Variants in LBH observed in about 807,000 individuals in gnomAD.
The protein encoded by LBH is LBH regulator of Wnt signaling pathway.
In LBH, 7 loss-of-function variants were observed where a neutral mutation model predicts 12.5. That is an observed-to-expected ratio of 0.56 (90% CI 0.32 to 1.05). The LOEUF (loss-of-function observed/expected upper bound fraction) is 1.05. LBH is among the 50% of genes least tolerant of loss of function. The pLI, the probability that LBH is intolerant of heterozygous loss-of-function variation, is 0.04. For synonymous variants in LBH, 51 were observed against 50.1 expected (o/e 1.02, Z -0.08); for missense variants, 119 against 138.9 (o/e 0.86, Z 0.72).
At chr2:30,249,141 G>GC (rs879376735) in intron 2 of LBH, among the ~76,000 whole-genome samples, 97 of 150,884 alleles carry the variant, frequency 6.4e-4, no homozygotes, top group African/African-American at 2.1e-3. Flanking sequence ...TAGTAGCCCT[G>GC]CTGCCCCTTT....
intron 2 of LBH, among the ~76,000 whole-genome samples, chr2:30,247,213 TGC>T (rs1429091442): frequency 1.3e-5 from 2 of 151,892 alleles, no homozygotes; most frequent in African/African-American, 4.9e-5. Flanking sequence ...TAGTCTATTT[TGC>T]ACTTTGAGTG....
At chr2:30,246,800 A>ACTCT (rs1677879262) in intron 2 of LBH, among the ~76,000 whole-genome samples, 1 of 108,378 alleles carries the variant, frequency 9.2e-6, no homozygotes, top group African/African-American at 3.1e-5. Context: ...TTCCTTCCTC[A>ACTCT]CTCACTCCCT....
intron 2 of LBH, among the ~76,000 whole-genome samples, chr2:30,253,644 G>C (rs1388565108): frequency 6.6e-6 from 1 of 151,870 alleles, no homozygotes; most frequent in African/African-American, 2.4e-5. Context: ...TATGAATGGC[G>C]CTGTTTGGAA....
chr2:30,254,172 C>T (rs1242656931), intron 2 of LBH, among the ~76,000 whole-genome samples: 1 of 152,176 alleles, frequency 6.6e-6, no homozygotes, highest in Non-Finnish European at 1.5e-5. Flanking sequence ...CCCACATATG[C>T]TATGTTTTAT....
intron 2 of LBH, among the ~76,000 whole-genome samples, chr2:30,251,683 A>G (rs1364451202): frequency 7.1e-6 from 1 of 140,544 alleles, no homozygotes; most frequent in African/African-American, 2.7e-5. Context: ...AAAAAAAAAA[A>G]AAAACTAATA....
chr2:30,254,388 G>C (rs1364811129), intron 2 of LBH, among the ~76,000 whole-genome samples: 1 of 152,160 alleles, frequency 6.6e-6, no homozygotes, highest in East Asian at 1.9e-4. Context: ...AGTTGACCGT[G>C]GGTAACTGAA....
intron 2 of LBH, among the ~76,000 whole-genome samples, chr2:30,235,307 TG>T (rs552275643): frequency 7.1e-4 from 108 of 152,138 alleles, no homozygotes; most frequent in African/African-American, 2.4e-3. Context: ...GTTGTTAAAC[TG>T]GGGGGAGGGA....
intron 2 of LBH, among the ~76,000 whole-genome samples, chr2:30,255,125 G>A (rs1275071043): frequency 6.6e-6 from 1 of 152,228 alleles, no homozygotes; most frequent in African/African-American, 2.4e-5. Flanking sequence ...AGCCCTGAAC[G>A]AGCTGACATC....
rs192816452 is a variant in LBH, at chr2:30,240,206, G to A, written c.129+5699G>A. ...ATGGATTGGCCCTTCCTCTCTCCCC[G>A]TCCTGCACTGAGAATCCTTTTATCT... On this transcript the variant is annotated intron_variant, in intron 2 of 2. Coordinates refer to ENST00000395323, the MANE Select transcript of LBH (RefSeq NM_030915.4). Among the ~76,000 whole-genome samples the A allele has an allele frequency of 1.7e-3, 252 of 152,242 alleles. 2 individuals are homozygous for A. Among genetic ancestry groups the A allele is most frequent in the African/African-American group, 5.7e-3 (237 of 41,534 alleles).
rs1678153786 is a variant in LBH, at chr2:30,259,567, A to G, written c.*1946A>G. The G allele has an allele frequency of 6.5e-6, 1 of 152,722 alleles. No individual in the cohort carries two copies. The highest frequency in any genetic ancestry group is 2.1e-4 in the South Asian group (1 of 4,826). The allele number at this position is 152,722 out of a possible 1,614,324, so 9.5% of individuals were successfully genotyped here. On this transcript the variant is annotated 3_prime_UTR_variant, in exon 3 of 3. Coordinates refer to ENST00000395323, the MANE Select transcript of LBH (RefSeq NM_030915.4). The stretch of plus-strand genomic sequence containing the variant: ...GTGTCTTCCCTTATCTGCTACCCTG[A>G]ATCACCTGTCCTGGTCTTGCTGTGT...
intron 2 of LBH, among the ~76,000 whole-genome samples, chr2:30,251,602 G>A (rs1002858199): frequency 2.0e-5 from 3 of 149,814 alleles, no homozygotes; most frequent in Non-Finnish European, 4.4e-5. Flanking sequence ...GGAAGGTTGA[G>A]GCTACAGTGA....
At chr2:30,236,618 C>A (rs1251941107) in intron 2 of LBH, among the ~76,000 whole-genome samples, 2 of 152,314 alleles carry the variant, frequency 1.3e-5, no homozygotes, top group Admixed American at 1.3e-4. Context: ...AGTATTTAAC[C>A]AAGCAACATT....
At chr2:30,234,532 G>C in intron 2 of LBH, 25 bp downstream of exon 2, 1 of 1,547,496 alleles carries the variant, frequency 6.5e-7, no homozygotes, top group Non-Finnish European at 8.9e-7. Context: ...GCTCCCCTCT[G>C]ACTCTCTAGA....
At chr2:30,232,109 G>T in intron 1 of LBH, 1 of 1,542,964 alleles carries the variant, frequency 6.5e-7, no homozygotes, top group Non-Finnish European at 8.7e-7. Context: ...GCCCCACTTG[G>T]CGCAGGGGGG....
chr2:30,239,284 G>A (rs1402667212), intron 2 of LBH, among the ~76,000 whole-genome samples: 3 of 152,262 alleles, frequency 2.0e-5, no homozygotes, highest in African/African-American at 4.8e-5. Flanking sequence ...TGGAATGCGT[G>A]TGTGGAAACA....
At chr2:30,255,762 T>C (rs906867) in intron 2 of LBH, among the ~76,000 whole-genome samples, 34,798 of 152,032 alleles carry the variant, frequency 0.23, 4,482 homozygotes, top group African/African-American at 0.31. Context: ...GGGCCTTTCT[T>C]CTATGTCCTG....
Position 30,235,644 on chromosome 2 carries a change from G to T in LBH, c.129+1137G>T, listed in dbSNP as rs184656487. ...TCCGCTAGGGTCTAGGTTGACTCTG[G>T]CTGGTCATTCCTTAGAACTGTTCCA... On this transcript the variant is annotated intron_variant, in intron 2 of 2. Coordinates refer to ENST00000395323, the MANE Select transcript of LBH (RefSeq NM_030915.4). Among the ~76,000 whole-genome samples the T allele has an allele frequency of 2.0e-5, 3 of 152,060 alleles. No individual in the cohort carries two copies. The East Asian group carries it at 5.8e-4, about 29-fold the overall frequency.
At chr2:30,240,205 C>T (rs1308610077) in intron 2 of LBH, among the ~76,000 whole-genome samples, 3 of 152,170 alleles carry the variant, frequency 2.0e-5, no homozygotes, top group Admixed American at 6.5e-5. Flanking sequence ...CCTCTCTCCC[C>T]GTCCTGCACT....
chr2:30,232,145 CT>C, intron 1 of LBH: 1 of 1,544,700 alleles, frequency 6.5e-7, no homozygotes. Context: ...GGCCCCTCCT[CT>C]TTTTCTTTTT....
Sources: allele counts gnomAD v4.1 joint callset (sites outside exome capture counted in the v4.1 genomes callset), GRCh38; gene constraint gnomAD v4.1.1; transcripts MANE v1.5; gene names NCBI Gene and HGNC (gene_info 2026-07-23, HGNC 2026-07-21).